Variants in DIXDC1 observed in about 807,000 individuals in gnomAD.
DIXDC1 encodes the protein dixin.
In DIXDC1, 64 loss-of-function variants were observed where a neutral mutation model predicts 103.1. The ratio of observed to expected loss-of-function variants is 0.62; its 90% CI spans 0.51 to 0.76. The LOEUF is 0.76. Ranked by LOEUF, DIXDC1 falls within the 30% of genes least tolerant of loss-of-function variation. DIXDC1 has a pLI of 0.00. For missense variants in DIXDC1, 759 were observed against 834.2 expected, an observed-to-expected ratio of 0.91 and a Z score of 1.11; for synonymous variants, 266 against 298.5, an observed-to-expected ratio of 0.89 and a Z score of 1.12.
intron 1 of DIXDC1, among the ~76,000 whole-genome samples, chr11:111,944,152 C>T (rs1352067709): frequency 1.3e-5 from 2 of 152,206 alleles, no homozygotes; most frequent in African/African-American, 4.8e-5. Flanking sequence ...ATCTCCTCAT[C>T]TTCTGCTGCT....
At chr11:111,956,717 T>A (rs1367661774) in intron 1 of DIXDC1, among the ~76,000 whole-genome samples, 1 of 152,176 alleles carries the variant, frequency 6.6e-6, no homozygotes, top group Non-Finnish European at 1.5e-5. Context: ...CTCGAACTCC[T>A]GACCTCAAGT....
chr11:111,991,083 G>A (rs1474779558), intron 10 of DIXDC1, among the ~76,000 whole-genome samples: 2 of 152,176 alleles, frequency 1.3e-5, no homozygotes, highest in African/African-American at 4.8e-5. Flanking sequence ...TTTTTAAGTG[G>A]CTGCTTTTCC....
At chr11:111,973,329 G>A (rs1442659276) in intron 3 of DIXDC1, among the ~76,000 whole-genome samples, 2 of 150,362 alleles carry the variant, frequency 1.3e-5, no homozygotes, top group Non-Finnish European at 2.9e-5. Context: ...CCAAGATCAC[G>A]CCATTACACT....
chr11:111,974,625 G>A (rs1478440923), intron 4 of DIXDC1, among the ~76,000 whole-genome samples: 1 of 152,202 alleles, frequency 6.6e-6, no homozygotes, highest in Non-Finnish European at 1.5e-5. Flanking sequence ...TGTCTTGGGA[G>A]TCATGGCAGG....
At chr11:111,929,106 G>A (rs1965931900) in intron 1 of DIXDC1, among the ~76,000 whole-genome samples, 1 of 151,946 alleles carries the variant, frequency 6.6e-6, no homozygotes, top group Non-Finnish European at 1.5e-5. Context: ...TTGAACCTGG[G>A]AGGCAGAGGT....
At chr11:111,994,472 T>C (rs945154709) in intron 14 of DIXDC1, among the ~76,000 whole-genome samples, 5 of 151,366 alleles carry the variant, frequency 3.3e-5, no homozygotes, top group Non-Finnish European at 7.4e-5. Flanking sequence ...TATACACATA[T>C]ATACATATAT....
chr11:112,017,856 G>T lies in DIXDC1; in HGVS notation c.1942G>T (p.Asp648Tyr), dbSNP rs1555177938. The T allele has an allele frequency of 5.6e-6, 9 of 1,610,994 alleles. No individual in the cohort carries two copies. The highest frequency in any genetic ancestry group is 7.6e-6 in the Non-Finnish European group (9 of 1,178,294). ...TCACCGGTATCACTTCAAAGCACTG[G>T]ATCCTGAGTTTGGCACTGTCAAAGA... ...GNHRYHFKAL[D>Y]PEFGTVKEEI... Residue 648 changes from aspartate (D) to tyrosine (Y), a missense_variant, in exon 19 of 20, where the codon GAT becomes TAT. Coordinates refer to ENST00000440460, the MANE Select transcript of DIXDC1 (RefSeq NM_001037954.4). The surrounding 1 kb of genome is among the most constrained non-coding windows in gnomAD (Gnocchi z 4.0).
intron 1 of DIXDC1, among the ~76,000 whole-genome samples, chr11:111,959,669 A>G (rs587727585): frequency 1.0e-3 from 159 of 152,350 alleles, no homozygotes; most frequent in African/African-American, 3.7e-3. Flanking sequence ...GTGACACTCA[A>G]GGATCCCATA....
intron 1 of DIXDC1, among the ~76,000 whole-genome samples, chr11:111,955,339 CAAAA>C (rs869169346): frequency 1.8e-4 from 9 of 49,826 alleles, no homozygotes; most frequent in South Asian, 7.0e-4. Flanking sequence ...GAGACCCTGT[CAAAA>C]AAAAAAAAAA....
intron 1 of DIXDC1, among the ~76,000 whole-genome samples, chr11:111,941,807 G>A (rs1966423951): frequency 6.6e-6 from 1 of 151,134 alleles, no homozygotes; most frequent in African/African-American, 2.4e-5. Context: ...AACAGGGTGA[G>A]ATTCTGTCTC....
intron 1 of DIXDC1, chr11:111,929,809 C>G: frequency 6.9e-7 from 1 of 1,453,760 alleles, no homozygotes; most frequent in Non-Finnish European, 9.2e-7. Context: ...CTTATTCTTC[C>G]TGTTTTAGAT....
At chr11:112,007,501 A>C (rs1861273593) in intron 17 of DIXDC1, among the ~76,000 whole-genome samples, 1 of 151,744 alleles carries the variant, frequency 6.6e-6, no homozygotes, top group South Asian at 2.1e-4. Flanking sequence ...AAGACACATA[A>C]TTATCAGATT....
chr11:111,962,364 C>T (rs923789839), intron 1 of DIXDC1, among the ~76,000 whole-genome samples: 1 of 152,196 alleles, frequency 6.6e-6, no homozygotes, highest in East Asian at 1.9e-4. Flanking sequence ...CACCCGTAGT[C>T]CCAGCTACTT....
In DIXDC1 at chr11:111,975,467, G is replaced by A; in HGVS notation, c.656+484G>A. On this transcript the variant is annotated intron_variant, in intron 5 of 19. Transcript: ENST00000440460. ...CCTCTACAGGAACTGTGGCTGATTA[G>A]TATGTGTTTGAGCAAACTAATGATG... is the stretch of plus-strand genomic sequence containing the variant. 3.0e-6 allele frequency: 3 copies of A among 1,002,458 alleles called. No homozygotes were observed. The South Asian group carries it at 1.3e-4, about 44-fold the overall frequency. 62.1% of individuals were successfully genotyped at this position (1,002,458 alleles called of 1,614,324 possible).
At position 112,020,274 on chromosome 11, in the gene DIXDC1, T is replaced by C. The variant is rs1173134779; in HGVS notation, c.*1238T>C. 1.3e-5 allele frequency: 2 copies of C among 152,620 alleles called. No homozygotes were observed. Among genetic ancestry groups the C allele is most frequent in the Non-Finnish European group, 2.9e-5 (2 of 68,044 alleles). The allele number at this position is 152,620 out of a possible 1,614,324, so 9.5% of individuals were successfully genotyped here. On this transcript the variant is annotated 3_prime_UTR_variant, in exon 20 of 20. Coordinates refer to ENST00000440460, the MANE Select transcript of DIXDC1 (RefSeq NM_001037954.4). ...TCAGCCATTATTATTTATATATGTA[T>C]TACCAAAAGCAGTCTATCTGCCTGT...
intron 17 of DIXDC1, among the ~76,000 whole-genome samples, chr11:112,007,745 A>G (rs1454225377): frequency 6.6e-6 from 1 of 152,234 alleles, no homozygotes; most frequent in Non-Finnish European, 1.5e-5. Flanking sequence ...TCCTTAACAG[A>G]CAAGCAAATG....
intron 12 of DIXDC1, 102 bp downstream of exon 12, chr11:111,993,106 T>C: frequency 1.5e-6 from 2 of 1,333,846 alleles, no homozygotes; most frequent in East Asian, 2.5e-5. Flanking sequence ...TTCATCCTTT[T>C]TGATTTTTTT....
upstream of DIXDC1, chr11:111,937,239 C>A: frequency 8.3e-7 from 1 of 1,200,914 alleles, no homozygotes; most frequent in Non-Finnish European, 1.0e-6. Context: ...AGCCCGGCAG[C>A]GCCGCTCAAC....
chr11:111,980,623 T>TGGA, intron 5 of DIXDC1, 114 bp from the exon 6 acceptor site: 1 of 728,850 alleles, frequency 1.4e-6, no homozygotes, highest in Non-Finnish European at 2.3e-6. Flanking sequence ...GTGTTACCCA[T>TGGA]GGAGGAGTAA....
Sources: gnomAD v4.1 joint callset for allele counts (sites outside exome capture counted in the v4.1 genomes callset) on GRCh38, gnomAD v4.1.1 for gene constraint, Gnocchi (gnomAD v3.1) non-coding constraint, MANE v1.5 for transcripts, NCBI Gene and HGNC (gene_info 2026-07-23, HGNC 2026-07-21) for gene names.